The following CACNA1C variants were observed in gnomAD, a reference collection of about 807,000 sequenced individuals.
CACNA1C encodes voltage-dependent L-type calcium channel subunit alpha-1C.
A neutral mutation model predicts 229.0 loss-of-function variants in CACNA1C; 30 were observed. The ratio of observed to expected loss-of-function variants is 0.13; its 90% confidence interval spans 0.10 to 0.18. The LOEUF is 0.18. CACNA1C is among the 10% of genes least tolerant of loss of function. The probability of loss-of-function intolerance (pLI) is 1.00; values close to 1 mark genes in which losing one functional copy is unlikely to be tolerated. For missense variants in CACNA1C, 1,658 were observed against 2,845.0 expected, an observed-to-expected ratio of 0.58 and a Z score of 9.49; for synonymous variants, 1,114 against 1,132.5, an observed-to-expected ratio of 0.98 and a Z score of 0.33.
chr12:2,056,211 G>A (rs2054771025), intron 1 of CACNA1C, among the ~76,000 whole-genome samples: 2 of 81,726 alleles, frequency 2.4e-5, no homozygotes, highest in South Asian at 8.3e-4. Context: ...GTGTGTGTGT[G>A]TGTGTGTGTG....
At chr12:2,432,611 A>G (rs1465950233) in intron 3 of CACNA1C, among the ~76,000 whole-genome samples, 1 of 152,182 alleles carries the variant, frequency 6.6e-6, no homozygotes, top group Non-Finnish European at 1.5e-5. Flanking sequence ...CACAGGTGCA[A>G]GTCCAGATAA....
chr12:2,386,225 A>G (rs2098386140), intron 3 of CACNA1C, among the ~76,000 whole-genome samples: 1 of 152,158 alleles, frequency 6.6e-6, no homozygotes, highest in African/African-American at 2.4e-5. Context: ...GCTACAAATC[A>G]GCCCCTGCCC....
chr12:2,405,863 T>C (rs1297725459), intron 3 of CACNA1C, among the ~76,000 whole-genome samples: 1 of 152,222 alleles, frequency 6.6e-6, no homozygotes, highest in Admixed American at 6.5e-5. Flanking sequence ...CTTCCTTACT[T>C]CCTGATAACC....
chr12:2,174,455 T>G (rs2096586129), intron 3 of CACNA1C, among the ~76,000 whole-genome samples: 1 of 152,218 alleles, frequency 6.6e-6, no homozygotes. Context: ...AACAGAAAAT[T>G]TCAAATGTAA....
Position 2,601,312 on chromosome 12 carries a change from C to T in CACNA1C, c.2854-542C>T, listed in dbSNP as rs954980153. 2.0e-5 allele frequency among the ~76,000 whole-genome samples: 3 copies of T among 152,160 alleles called. No homozygotes were observed. The highest frequency in any genetic ancestry group is 4.4e-5 in the Non-Finnish European group (3 of 68,030). ...AGTTTGCCTAAGACTGAGGAGTTTT[C>T]TGGGATGCAGGATTTCTGATGATAA... On this transcript the variant is annotated intron_variant, in intron 21 of 46. Transcript: ENST00000399655. The surrounding 1 kb of genome is among the most constrained non-coding windows in gnomAD (Gnocchi z 5.9).
chr12:2,556,207 C>G (rs2044170028), intron 10 of CACNA1C, among the ~76,000 whole-genome samples: 1 of 152,158 alleles, frequency 6.6e-6, no homozygotes. Flanking sequence ...GCCCTCTTCT[C>G]CAGCCTCCTG....
intron 9 of CACNA1C, among the ~76,000 whole-genome samples, chr12:2,525,360 C>T (rs556740449): frequency 1.1e-4 from 17 of 152,224 alleles, no homozygotes; most frequent in Middle Eastern, 3.4e-3. Context: ...GGGATAGGGT[C>T]CTAAGGGCTG....
chr12:2,474,969 C>T (rs2099616980), intron 5 of CACNA1C, among the ~76,000 whole-genome samples: 1 of 152,066 alleles, frequency 6.6e-6, no homozygotes, highest in African/African-American at 2.4e-5. Flanking sequence ...ATAACATCAT[C>T]AACATTTTCA....
intron 1 of CACNA1C, among the ~76,000 whole-genome samples, chr12:2,022,630 G>T (rs796732881): frequency 3.3e-4 from 50 of 151,244 alleles, no homozygotes; most frequent in African/African-American, 1.1e-3. Context: ...TTTTTGTAGA[G>T]AAGGGGGTCT....
At chr12:2,590,717 C>T (rs543136996) in intron 18 of CACNA1C, among the ~76,000 whole-genome samples, 45 of 152,136 alleles carry the variant, frequency 3.0e-4, no homozygotes, top group African/African-American at 9.4e-4. Flanking sequence ...GAGCCTGCAC[C>T]GTTTTCCATT....
At chr12:1,993,178 C>T in intron 1 of CACNA1C, 1 of 1,586,698 alleles carries the variant, frequency 6.3e-7, no homozygotes, top group South Asian at 1.1e-5. Context: ...ATACCAAATG[C>T]AAACACAATG....
At chr12:2,659,060 A>G (rs2095571922) in intron 34 of CACNA1C, among the ~76,000 whole-genome samples, 1 of 152,182 alleles carries the variant, frequency 6.6e-6, no homozygotes, top group Non-Finnish European at 1.5e-5. Flanking sequence ...TACTTTTTAT[A>G]AATTTGTGTA....
intron 1 of CACNA1C, among the ~76,000 whole-genome samples, chr12:2,079,196 G>A (rs2064474264): frequency 1.3e-5 from 2 of 151,786 alleles, no homozygotes; most frequent in Admixed American, 1.3e-4. Flanking sequence ...GAGTTAATGG[G>A]TGCAGCACAC....
At position 2,566,524 on chromosome 12, in the gene CACNA1C, C is replaced by T. The variant is rs1193363186; in HGVS notation, c.1611C>T (p.Asn537=). The part of the protein sequence containing the change: ...YWLVIFLVFL[N]TLTIASEHYN... ...TGGTGATTTTCCTGGTGTTCCTCAA[C>T]ACGCTCACCATTGCCTCTGAGCACT... The change falls in exon 12 of 47, where the codon AAC becomes AAT. Residue 537 remains asparagine (N), a synonymous_variant. Transcript: ENST00000399655. The surrounding 1 kb of genome is among the most constrained non-coding windows in gnomAD (Gnocchi z 4.0). 1.3e-6 allele frequency: 2 copies of T among 1,595,044 alleles called. No homozygotes were observed. Among genetic ancestry groups the T allele is most frequent in the Admixed American group, 1.7e-5 (1 of 57,678 alleles).
rs187750043 is a variant in CACNA1C at position 2,545,048 on chromosome 12, T to C, written c.1391-4895T>C. ...TGATCATGACCTTTTTTGGTGTAAG[T>C]TTGGCTTTGGGAAGTGCTTTGGAGC... On this transcript the variant is annotated intron_variant, in intron 9 of 46. Transcript: ENST00000399655. Among the ~76,000 whole-genome samples the C allele has an allele frequency of 2.9e-3, 445 of 152,288 alleles. 4 individuals are homozygous for C. The highest frequency in any genetic ancestry group is 0.01 in the African/African-American group (426 of 41,540).
Position 2,653,786 on chromosome 12 carries a change from C to T in CACNA1C, c.4075-49C>T. ...CGGCGCTCCCTGGGAAGGGGCCCAG[C>T]TGGCCTCTGCACTCCAGCCTCATGG... On this transcript the variant is annotated intron_variant, in intron 32 of 46. Transcript: ENST00000399655. This position sits in a 1 kb window ranked among gnomAD's most constrained non-coding sequence, Gnocchi z 4.7. 1 of 1,538,972 alleles carries T rather than the reference C, an allele frequency of 6.5e-7. No homozygotes were observed.
At position 1,981,277 on chromosome 12, in the gene CACNA1C, T is replaced by C. The variant is rs550897449; in HGVS notation, c.139+10076T>C. 7.9e-5 allele frequency among the ~76,000 whole-genome samples: 12 copies of C among 152,330 alleles called. No individual in the cohort carries two copies. The East Asian group carries it at 1.5e-3, about 20-fold the overall frequency. ...AGGCTCCTTAATGCCTAATGGCTAA[T>C]GCTCCAAAAGAAAAACTAAAGAAAT... On this transcript the variant is annotated intron_variant, in intron 1 of 46. Transcript: ENST00000682462.
chr12:2,568,015 C>T (rs1411674645), intron 13 of CACNA1C, among the ~76,000 whole-genome samples: 1 of 152,188 alleles, frequency 6.6e-6, no homozygotes, highest in Admixed American at 6.5e-5. Context: ...GTAATGTAAG[C>T]AAGCTAGGGA....
At position 2,678,187 on chromosome 12, in the gene CACNA1C, C is replaced by G. The variant is rs2096919365; in HGVS notation, c.5091+320C>G. Among the ~76,000 whole-genome samples the G allele has an allele frequency of 1.3e-5, 2 of 152,200 alleles. No individual in the cohort carries two copies. The highest frequency in any genetic ancestry group is 6.5e-5 in the Admixed American group (1 of 15,286). On this transcript the variant is annotated intron_variant, in intron 41 of 46. Transcript: ENST00000399655. The surrounding 1 kb of genome is among the most constrained non-coding windows in gnomAD (Gnocchi z 4.1). ...AGTTGCAGAGTGGTCACCCCTGGGG[C>G]ACATCTAATCTGCAGGCTTGTTTTG...
Sources: gnomAD v4.1 joint callset for allele counts (sites outside exome capture counted in the v4.1 genomes callset) on GRCh38, gnomAD v4.1.1 for gene constraint, Gnocchi (gnomAD v3.1) non-coding constraint, MANE v1.5 for transcripts, NCBI Gene and HGNC (gene_info 2026-07-23, HGNC 2026-07-21) for gene names.